MACROD2: variants seen among roughly 807,000 people sequenced by gnomAD.
MACROD2 encodes the protein mono-ADP ribosylhydrolase 2.
A neutral mutation model predicts 70.4 loss-of-function variants in MACROD2; 36 were observed. The ratio of observed to expected loss-of-function variants is 0.51; its 90% CI spans 0.39 to 0.68. The LOEUF is 0.68. Ranked by LOEUF, MACROD2 falls within the 30% of genes least tolerant of loss-of-function variation. The probability of loss-of-function intolerance (pLI) is 0.00; values close to 1 mark genes in which losing one functional copy is unlikely to be tolerated. For missense variants in MACROD2, 496 were observed against 538.4 expected (o/e 0.92, Z 0.78); for synonymous variants, 172 against 178.8 (o/e 0.96, Z 0.30).
chr20:15,189,597 T>C (rs2076556766), intron 5 of MACROD2, among the ~76,000 whole-genome samples: 1 of 152,202 alleles, frequency 6.6e-6, no homozygotes, highest in South Asian at 2.1e-4. Context: ...AGCTAGTGTG[T>C]CCCTCCTTTT....
intron 5 of MACROD2, among the ~76,000 whole-genome samples, chr20:15,136,961 C>T (rs531644180): frequency 1.6e-4 from 23 of 147,098 alleles, no homozygotes; most frequent in Middle Eastern, 3.4e-3. Context: ...TGAAAAAATG[C>T]TCATCATCAC....
intron 5 of MACROD2, among the ~76,000 whole-genome samples, chr20:14,700,231 TATAGACC>T (rs1470906129): frequency 6.6e-6 from 1 of 152,086 alleles, no homozygotes; most frequent in Admixed American, 6.6e-5. Flanking sequence ...AATATATACC[TATAGACC>T]ATAGTCTGGG....
At chr20:15,155,301 T>A (rs2076299321) in intron 5 of MACROD2, among the ~76,000 whole-genome samples, 1 of 152,164 alleles carries the variant, frequency 6.6e-6, no homozygotes, top group Admixed American at 6.5e-5. Context: ...TGCAATCCTG[T>A]CTGCCATGCA....
chr20:14,692,151 A>G (rs1206328885), intron 5 of MACROD2, among the ~76,000 whole-genome samples: 2 of 152,118 alleles, frequency 1.3e-5, no homozygotes, highest in African/African-American at 2.4e-5. Context: ...GTTTGATACA[A>G]ATTCTCAGGC....
intron 5 of MACROD2, among the ~76,000 whole-genome samples, chr20:14,955,158 TTATATAATTTATATAATATAA>T (rs1336906625): frequency 3.1e-5 from 4 of 127,150 alleles, no homozygotes; most frequent in African/African-American, 6.0e-5. Flanking sequence ...TATATGTACT[TTATATAATTTATATAATATAA>T]TATATAATTT....
At chr20:14,713,567 T>C (rs2071362544) in intron 5 of MACROD2, among the ~76,000 whole-genome samples, 1 of 152,132 alleles carries the variant, frequency 6.6e-6, no homozygotes, top group Non-Finnish European at 1.5e-5. Context: ...CGAAACCCTT[T>C]CCTGATTTCC....
intron 8 of MACROD2, among the ~76,000 whole-genome samples, chr20:15,530,548 C>G (rs934765317): frequency 6.6e-6 from 1 of 151,666 alleles, no homozygotes; most frequent in Non-Finnish European, 1.5e-5. Context: ...CTGGCTAACA[C>G]GGTGAAAACC....
intron 5 of MACROD2, among the ~76,000 whole-genome samples, chr20:14,932,703 C>T (rs1431792477): frequency 3.9e-5 from 6 of 151,904 alleles, no homozygotes; most frequent in African/African-American, 1.4e-4. Context: ...GTAGCTGGGA[C>T]TACAGGTGCG....
At chr20:14,801,962 G>A (rs908655996) in intron 5 of MACROD2, among the ~76,000 whole-genome samples, 2 of 152,020 alleles carry the variant, frequency 1.3e-5, no homozygotes, top group African/African-American at 4.8e-5. Flanking sequence ...AAAGGTACAG[G>A]GGGTCAATAT....
chr20:15,736,556 T>TCTACCA (rs140733), intron 8 of MACROD2, among the ~76,000 whole-genome samples: 7 of 151,942 alleles, frequency 4.6e-5, no homozygotes, highest in African/African-American at 1.2e-4. Context: ...CTAATTTGAG[T>TCTACCA]AGAGGAGATA....
At chr20:15,401,905 A>G (rs2045936112) in intron 6 of MACROD2, among the ~76,000 whole-genome samples, 1 of 152,198 alleles carries the variant, frequency 6.6e-6, no homozygotes, top group Non-Finnish European at 1.5e-5. Context: ...TGGGCATTCT[A>G]CAAGTCTGAA....
Position 14,072,882 on chromosome 20 carries a change from T to C in MACROD2, c.164-12739T>C, listed in dbSNP as rs868054010. Among the ~76,000 whole-genome samples, 85 of 146,182 alleles carry C rather than the reference T, an allele frequency of 5.8e-4. 1 individual carries two copies. Among genetic ancestry groups the C allele is most frequent in the African/African-American group, 2.1e-3 (81 of 39,482 alleles). ...CCAGGAGGCAGAGCTTGCAGTGAGC[T>C]GAGATCGCATCACTGCACTCCAGCC... On this transcript the variant is annotated intron_variant, in intron 2 of 17. Coordinates refer to ENST00000684519, the MANE Select transcript of MACROD2 (RefSeq NM_001351661.2).
chr20:15,189,271 T>G (rs914740582), intron 5 of MACROD2, among the ~76,000 whole-genome samples: 4 of 151,374 alleles, frequency 2.6e-5, no homozygotes, highest in Non-Finnish European at 5.9e-5. Context: ...ATGACCAACA[T>G]AGTGCTTGGC....
intron 3 of MACROD2, among the ~76,000 whole-genome samples, chr20:14,292,211 C>T (rs2082392053): frequency 2.6e-5 from 4 of 151,868 alleles, no homozygotes; most frequent in Admixed American, 2.0e-4. Flanking sequence ...CTCTTACTAG[C>T]CAACACTCAT....
rs2073974560 is a variant in MACROD2 at position 14,907,605 on chromosome 20, C to A, written c.418+222646C>A. On this transcript the variant is annotated intron_variant, in intron 5 of 17. Transcript: ENST00000684519. ...AAAAGTAAATTAGAATTTGCTGGGT[C>A]AAAAATGGAGAAAGTATGGCCCAGG... 1.3e-5 allele frequency among the ~76,000 whole-genome samples: 2 copies of A among 151,958 alleles called. 1 individual carries two copies. The highest frequency in any genetic ancestry group is 1.3e-4 in the Admixed American group (2 of 15,254).
intron 4 of MACROD2, chr20:14,621,743 A>T: frequency 6.6e-6 from 1 of 152,116 alleles, no homozygotes; most frequent in Non-Finnish European, 1.5e-5. Context: ...CCCAATCCAA[A>T]TTAATTTTTA....
At chr20:15,592,562 C>T (rs1363484456) in intron 8 of MACROD2, among the ~76,000 whole-genome samples, 1 of 152,212 alleles carries the variant, frequency 6.6e-6, no homozygotes, top group African/African-American at 2.4e-5. Context: ...AAGATTCGTC[C>T]TTGCCTTACT....
At chr20:14,802,078 G>T (rs1371029747) in intron 5 of MACROD2, among the ~76,000 whole-genome samples, 1 of 151,972 alleles carries the variant, frequency 6.6e-6, no homozygotes, top group Non-Finnish European at 1.5e-5. Flanking sequence ...AGTGTGGCTG[G>T]CAAGGGCATC....
intron 3 of MACROD2, among the ~76,000 whole-genome samples, chr20:14,192,772 A>G (rs2081399046): frequency 6.6e-6 from 1 of 151,990 alleles, no homozygotes; most frequent in Admixed American, 6.6e-5. Flanking sequence ...TCACAGGGGG[A>G]TTGAGGTAGA....
Sources: allele counts gnomAD v4.1 joint callset (sites outside exome capture counted in the v4.1 genomes callset), GRCh38; gene constraint gnomAD v4.1.1; transcripts MANE v1.5; gene names NCBI Gene and HGNC (gene_info 2026-07-23, HGNC 2026-07-21).